Variants in SYT11 observed in about 807,000 individuals in gnomAD.
The protein encoded by SYT11 is synaptotagmin-11.
SYT11 carries 12 observed loss-of-function variants against 30.4 expected under a neutral mutation model. The observed-to-expected ratio is 0.39, with a 90% CI of 0.25 to 0.64. The LOEUF is 0.64. Ranked by LOEUF, SYT11 falls within the 30% of genes least tolerant of loss-of-function variation. The pLI is 0.45. For missense variants in SYT11, 412 were observed against 552.0 expected, an observed-to-expected ratio of 0.75 and a Z score of 2.54; for synonymous variants, 204 against 216.0, an observed-to-expected ratio of 0.94 and a Z score of 0.49.
chr1:155,863,192 G>A (rs189783379), intron 1 of SYT11, among the ~76,000 whole-genome samples: 11 of 152,178 alleles, frequency 7.2e-5, no homozygotes, highest in Admixed American at 3.3e-4. Flanking sequence ...ACAGTGGGTC[G>A]TGCTTATAAT....
At position 155,868,898 on chromosome 1, in the gene SYT11, GT is replaced by G. The variant is rs1204325637; in HGVS notation, c.861+108del. ...GTGGGTTGGGTGGCAAAGAAGGGCT[GT>G]AGAGAGGAAGCTCTTGGATGTCAAG... On this transcript the variant is annotated intron_variant, in intron 2 of 3. Transcript: ENST00000368324. This position sits in a 1 kb window ranked among gnomAD's most constrained non-coding sequence, Gnocchi z 4.7. 6.6e-6 allele frequency: 7 copies of G among 1,067,290 alleles called. No individual in the cohort carries two copies. Among genetic ancestry groups the G allele is most frequent in the Admixed American group, 5.0e-5 (2 of 39,950 alleles). 66.1% of individuals were successfully genotyped at this position (1,067,290 alleles called of 1,614,324 possible). A position where few individuals can be genotyped will look rare whatever the true frequency, so the allele number is the denominator to read the frequency against.
intron 2 of SYT11, among the ~76,000 whole-genome samples, chr1:155,869,755 C>G (rs1049757147): frequency 6.6e-6 from 1 of 152,076 alleles, no homozygotes; most frequent in African/African-American, 2.4e-5. Context: ...CCCACTGGAC[C>G]GACATTGGCT....
At position 155,884,404 on chromosome 1, in the gene SYT11, C is replaced by T. The variant is rs764106594; in HGVS notation, c.*2896C>T. On this transcript the variant is annotated 3_prime_UTR_variant, in exon 4 of 4. Coordinates refer to ENST00000368324, the MANE Select transcript of SYT11 (RefSeq NM_152280.5). ...TTGTTCTGTAGCCTAGGAACTGCCTCAGTGTCTTTGCCAGAAAAAGGCAAA... is the reference window on the plus strand; with the variant it reads ...TTGTTCTGTAGCCTAGGAACTGCCTTAGTGTCTTTGCCAGAAAAAGGCAAA... The T allele has an allele frequency of 6.5e-6, 1 of 153,000 alleles. No homozygotes were observed. Among genetic ancestry groups the T allele is most frequent in the East Asian group, 1.9e-4 (1 of 5,326 alleles). 9.5% of individuals were successfully genotyped at this position (153,000 alleles called of 1,614,324 possible).
chr1:155,878,615 C>T (rs1482943248), intron 2 of SYT11, among the ~76,000 whole-genome samples: 6 of 152,110 alleles, frequency 3.9e-5, no homozygotes, highest in Non-Finnish European at 5.9e-5. Flanking sequence ...CCTGTAATCC[C>T]AGCACTTTGG....
intron 1 of SYT11, among the ~76,000 whole-genome samples, chr1:155,866,989 CACATAT>C (rs763494485): frequency 7.9e-5 from 11 of 138,462 alleles, no homozygotes; most frequent in Admixed American, 5.7e-4. Context: ...CACACACACA[CACATAT>C]ATATATATAC....
intron 2 of SYT11, among the ~76,000 whole-genome samples, chr1:155,878,071 T>C (rs1672897437): frequency 6.6e-6 from 1 of 151,736 alleles, no homozygotes; most frequent in South Asian, 2.1e-4. Context: ...AGTGAGACCC[T>C]GTCTTTACAA....
At chr1:155,873,222 T>C (rs1030165473) in intron 2 of SYT11, among the ~76,000 whole-genome samples, 2 of 152,136 alleles carry the variant, frequency 1.3e-5, no homozygotes, top group Non-Finnish European at 1.5e-5. Context: ...GGTCAAAAGA[T>C]TGAGACCATC....
At chr1:155,867,909 T>C (rs1461429319) in intron 1 of SYT11, 56 bp from the exon 2 acceptor site, 8 of 1,347,616 alleles carry the variant, frequency 5.9e-6, no homozygotes, top group Non-Finnish European at 8.2e-6. Flanking sequence ...GCAGGGGAGA[T>C]CTAGACAGGA....
rs183287288 is a variant in SYT11 at position 155,880,669 on chromosome 1, G to A, written c.985+46G>A. ...ATTTCTTACTGTCTGAACCATCCCC[G>A]ACTCCTTGCCTGTGGCCCAGATAGA... On this transcript the variant is annotated intron_variant, in intron 3 of 3. Coordinates refer to ENST00000368324, the MANE Select transcript of SYT11 (RefSeq NM_152280.5). 73 of 1,608,266 alleles carry A rather than the reference G, an allele frequency of 4.5e-5. 1 individual carries two copies. The African/African-American group carries it at 5.5e-4, about 12-fold the overall frequency.
chr1:155,871,263 C>T (rs1308186226), intron 2 of SYT11, among the ~76,000 whole-genome samples: 1 of 152,232 alleles, frequency 6.6e-6, no homozygotes, highest in African/African-American at 2.4e-5. Context: ...CTCCCCTCCC[C>T]TGTCCCATCT....
At chr1:155,875,063 G>T (rs1319429934) in intron 2 of SYT11, among the ~76,000 whole-genome samples, 2 of 148,470 alleles carry the variant, frequency 1.3e-5, no homozygotes, top group South Asian at 4.3e-4. Flanking sequence ...GACTAGCCTG[G>T]CCAATGTAGC....
intron 2 of SYT11, among the ~76,000 whole-genome samples, chr1:155,877,704 T>C (rs992876197): frequency 2.6e-5 from 4 of 151,772 alleles, no homozygotes; most frequent in African/African-American, 4.8e-5. Flanking sequence ...CAGGCGCCAG[T>C]CACCACGCCC....
At position 155,881,563 on chromosome 1, in the gene SYT11, G is replaced by A. The variant is rs532734252; in HGVS notation, c.*55G>A. The A allele has an allele frequency of 4.4e-4, 663 of 1,498,048 alleles. No homozygotes were observed. The highest frequency in any genetic ancestry group is 5.7e-4 in the Non-Finnish European group (635 of 1,114,958). 92.8% of individuals were successfully genotyped at this position (1,498,048 alleles called of 1,614,324 possible). A position where few individuals can be genotyped will look rare whatever the true frequency, so the allele number is the denominator to read the frequency against. ...GGCCAAGCTGGGGAGGGATGTGGAG[G>A]GGAAAAAGATGACAGAGAAGTGGAC... On this transcript the variant is annotated 3_prime_UTR_variant, in exon 4 of 4. Coordinates refer to ENST00000368324, the MANE Select transcript of SYT11 (RefSeq NM_152280.5).
Position 155,868,257 on chromosome 1 carries a change from T to C in SYT11, c.327T>C (p.Asp109=), listed in dbSNP as rs757424393. Reference sequence around the variant, plus strand: ...CTGGCCTGCTAAGCCGAGACAAAGATCCCAGGGGGCCTAGCTCTGGATCTT... The same window carrying C: ...CTGGCCTGCTAAGCCGAGACAAAGACCCCAGGGGGCCTAGCTCTGGATCTT... ...AEAGLLSRDK[D]PRGPSSGSCI... The change falls in exon 2 of 4, where the codon GAT becomes GAC. Residue 109 remains aspartate (D), a synonymous_variant. Transcript: ENST00000368324. This position sits in a 1 kb window ranked among gnomAD's most constrained non-coding sequence, Gnocchi z 4.7. 10 of 1,613,812 alleles carry C rather than the reference T, an allele frequency of 6.2e-6. No individual in the cohort carries two copies. The highest frequency in any genetic ancestry group is 6.8e-6 in the Non-Finnish European group (8 of 1,179,944).
At chr1:155,877,553 A>ATTT (rs35826776) in intron 2 of SYT11, among the ~76,000 whole-genome samples, 1,493 of 134,068 alleles carry the variant, frequency 0.011, 35 homozygotes, top group African/African-American at 0.039. Flanking sequence ...CGCCCAGCTA[A>ATTT]TTTTTTTTTT....
intron 1 of SYT11, among the ~76,000 whole-genome samples, chr1:155,865,859 T>G (rs1377008045): frequency 1.3e-5 from 2 of 151,914 alleles, no homozygotes; most frequent in African/African-American, 2.4e-5. Flanking sequence ...TGTAATTTTT[T>G]TGTGTAGAGA....
In SYT11 at chr1:155,868,218, G is replaced by A; in HGVS notation, c.288G>A (p.Val96=). Residue 96 remains valine, a synonymous_variant, in exon 2 of 4, where the codon GTG becomes GTA. Transcript: ENST00000368324. This position sits in a 1 kb window ranked among gnomAD's most constrained non-coding sequence, Gnocchi z 4.7. ...GREGGRRNLL[V]DAAEAGLLSR... Reference sequence around the variant, plus strand: ...AAGGTGGACGTAGGAACCTGTTGGTGGACGCAGCAGAGGCTGGCCTGCTAA... The same window carrying A: ...AAGGTGGACGTAGGAACCTGTTGGTAGACGCAGCAGAGGCTGGCCTGCTAA... 1.2e-6 allele frequency: 2 copies of A among 1,614,162 alleles called. No homozygotes were observed. The highest frequency in any genetic ancestry group is 1.7e-6 in the Non-Finnish European group (2 of 1,180,024).
At chr1:155,881,050 A>G in intron 3 of SYT11, 148 bp from the exon 4 acceptor site, 1 of 885,770 alleles carries the variant, frequency 1.1e-6, no homozygotes, top group Non-Finnish European at 1.8e-6. Context: ...GTGTGTGTTT[A>G]TTGTGCAATC....
intron 1 of SYT11, among the ~76,000 whole-genome samples, chr1:155,866,442 C>T (rs779586271): frequency 6.6e-6 from 1 of 152,164 alleles, no homozygotes; most frequent in African/African-American, 2.4e-5. Flanking sequence ...ATTTGTTCAT[C>T]CAACACATAG....
Sources: allele counts gnomAD v4.1 joint callset (sites outside exome capture counted in the v4.1 genomes callset), GRCh38; gene constraint gnomAD v4.1.1; non-coding constraint Gnocchi (gnomAD v3.1); transcripts MANE v1.5; gene names NCBI Gene and HGNC (gene_info 2026-07-23, HGNC 2026-07-21).